The following ZBED1 variants were observed in gnomAD, a reference collection of about 807,000 sequenced individuals.
ZBED1 encodes the protein E3 SUMO-protein ligase ZBED1.
ZBED1 carries 19 observed loss-of-function variants against 49.7 expected under a neutral mutation model. The observed-to-expected ratio is 0.38, with a 90% CI of 0.27 to 0.56. The LOEUF is 0.56. Ranked by LOEUF, ZBED1 falls within the 20% of genes least tolerant of loss-of-function variation. The pLI is 0.70. For synonymous variants in ZBED1, 439 were observed against 440.3 expected (o/e 1.00, Z 0.04); for missense variants, 806 against 972.6 (o/e 0.83, Z 2.28).
chrX:2,491,841 G>A (rs1414040985), intron 1 of ZBED1, among the ~76,000 whole-genome samples: 1 of 152,198 alleles, frequency 6.6e-6, no homozygotes, highest in Non-Finnish European at 1.5e-5. Flanking sequence ...AGTCGGTGTG[G>A]AGGCTTAGAT....
chrX:2,498,793 C>T (rs1016413927), intron 1 of ZBED1, among the ~76,000 whole-genome samples: 3 of 152,070 alleles, frequency 2.0e-5, no homozygotes, highest in Non-Finnish European at 4.4e-5. Flanking sequence ...CAAAACTGCC[C>T]GGATAAACAT....
In ZBED1 at chrX:2,488,614, G is replaced by A. The variant is rs531609492; in HGVS notation, c.*21C>T. 6.4e-7 allele frequency: 1 copy of A among 1,571,428 alleles called. No homozygotes were observed. Among genetic ancestry groups the A allele is most frequent in the Non-Finnish European group, 8.6e-7 (1 of 1,160,916 alleles). On this transcript the variant is annotated 3_prime_UTR_variant, in exon 2 of 2. Transcript: ENST00000652001. The stretch of plus-strand genomic sequence containing the variant: ...CAATGGGCTGCTGCGGGGATGACTT[G>A]TAAGACAACACGCTTCCTCGCTACA...
intron 1 of ZBED1, among the ~76,000 whole-genome samples, chrX:2,493,876 G>A (rs1569348877): frequency 6.6e-6 from 1 of 152,138 alleles, no homozygotes; most frequent in Non-Finnish European, 1.5e-5. Context: ...GGAGGCTGAG[G>A]CACGAGAATC....
At chrX:2,494,350 C>A (rs1449753125) in intron 1 of ZBED1, among the ~76,000 whole-genome samples, 2 of 151,686 alleles carry the variant, frequency 1.3e-5, no homozygotes, top group Non-Finnish European at 2.9e-5. Flanking sequence ...TATTATTAGG[C>A]TGAAAGAGGT....
chrX:2,490,807 G>T, intron 1 of ZBED1, 35 bp from the exon 2 acceptor site: 4 of 1,532,150 alleles, frequency 2.6e-6, no homozygotes, highest in Non-Finnish European at 3.5e-6. Flanking sequence ...GCATGAGAAG[G>T]GACCCAGGCA....
intron 1 of ZBED1, among the ~76,000 whole-genome samples, chrX:2,499,544 G>C (rs1281148377): frequency 1.3e-5 from 2 of 152,174 alleles, no homozygotes; most frequent in African/African-American, 2.4e-5. Flanking sequence ...GCCCAGACTG[G>C]AGGATTGCTG....
intron 1 of ZBED1, among the ~76,000 whole-genome samples, chrX:2,491,717 A>C (rs5983114): frequency 0.042 from 6,394 of 152,278 alleles, 426 homozygotes; most frequent in African/African-American, 0.14. Flanking sequence ...ACGTCTGAAG[A>C]AGCATGGATT....
intron 1 of ZBED1, among the ~76,000 whole-genome samples, chrX:2,492,254 T>G (rs769309594): frequency 1.8e-4 from 27 of 152,254 alleles, no homozygotes; most frequent in African/African-American, 5.8e-4. Flanking sequence ...TCAATTGAGG[T>G]GGTCCTAAAT....
chrX:2,495,050 T>G (rs1439162797), intron 1 of ZBED1, among the ~76,000 whole-genome samples: 1 of 151,298 alleles, frequency 6.6e-6, no homozygotes, highest in African/African-American at 2.4e-5. Context: ...TCTATTGTCA[T>G]TATTATTATT....
rs1462592049 is a variant in ZBED1 at position 2,490,486 on chromosome X, G to A, written c.234C>T (p.Phe78=). ...EKNHPEEFCE[F]VKSNTEQMRE... ...GCATCTGCTCCGTGTTGCTCTTGACGAACTCGCAGAATTCCTCGGGGTGGT... is the reference window on the plus strand; with the variant it reads ...GCATCTGCTCCGTGTTGCTCTTGACAAACTCGCAGAATTCCTCGGGGTGGT... Residue 78 remains phenylalanine (F), a synonymous_variant, in exon 2 of 2, where the codon TTC becomes TTT. Transcript: ENST00000652001. 7.4e-6 allele frequency: 12 copies of A among 1,613,872 alleles called. No individual in the cohort carries two copies. The highest frequency in any genetic ancestry group is 1.7e-5 in the Admixed American group (1 of 60,006).
In ZBED1 at chrX:2,488,491, A is replaced by C; in HGVS notation, c.*144T>G. The C allele has an allele frequency of 8.7e-6, 10 of 1,156,032 alleles. No individual in the cohort carries two copies. Among genetic ancestry groups the C allele is most frequent in the Non-Finnish European group, 7.1e-6 (6 of 839,388 alleles). 71.6% of individuals were successfully genotyped at this position (1,156,032 alleles called of 1,614,324 possible). A position where few individuals can be genotyped will look rare whatever the true frequency, so the allele number is the denominator to read the frequency against. On this transcript the variant is annotated 3_prime_UTR_variant, in exon 2 of 2. Coordinates refer to ENST00000652001, the MANE Select transcript of ZBED1 (RefSeq NM_001171136.2). ...CCCCCGACCCTCTCTCACTTCTCAA[A>C]TCTCTTTCCTTTTTCCACCTTCTAG...
chrX:2,489,839 G>A lies in ZBED1; in HGVS notation c.881C>T (p.Thr294Ile). The A allele has an allele frequency of 6.2e-7, 1 of 1,613,716 alleles. No homozygotes were observed. The highest frequency in any genetic ancestry group is 1.1e-5 in the South Asian group (1 of 91,070). The change falls in exon 2 of 2, where the codon ACC becomes ATC. Residue 294 changes from threonine (T) to isoleucine (I), a missense_variant. Around this residue, in one of 2 missense-constraint regions of ZBED1, gnomAD observed 749 missense variants for 861.3 expected, o/e 0.87. Coordinates refer to ENST00000652001, the MANE Select transcript of ZBED1 (RefSeq NM_001171136.2). Reference sequence around the variant, plus strand: ...GGCCTGCTGGATGCCGGCATTGAAGGTGTGGCCCAGGCAGGGCATGTGCAC... The same window carrying A: ...GGCCTGCTGGATGCCGGCATTGAAGATGTGGCCCAGGCAGGGCATGTGCAC... The part of the protein sequence containing the change: ...VAVHMPCLGH[T>I]FNAGIQQAFQ...
intron 1 of ZBED1, among the ~76,000 whole-genome samples, chrX:2,495,694 A>C: frequency 6.6e-6 from 1 of 151,008 alleles, no homozygotes; most frequent in East Asian, 2.0e-4. Flanking sequence ...CGAGCACACA[A>C]GGCCACGAAT....
chrX:2,490,786 A>G lies in ZBED1; in HGVS notation c.-53-14T>C. On this transcript the variant is annotated splice_polypyrimidine_tract_variant and intron_variant, in intron 1 of 1. Coordinates refer to ENST00000652001, the MANE Select transcript of ZBED1 (RefSeq NM_001171136.2). ...CGTGGGGACCTGCTGAGAAGGGCCA[A>G]GACAAACACAGCATGAGAAGGGACC... 1 of 1,556,728 alleles carries G rather than the reference A, an allele frequency of 6.4e-7. No homozygotes were observed. Among genetic ancestry groups the G allele is most frequent in the Non-Finnish European group, 8.7e-7 (1 of 1,151,450 alleles).
Position 2,489,744 on chromosome X carries a change from C to A in ZBED1, c.976G>T (p.Ala326Ser), listed in dbSNP as rs767734326. The A allele has an allele frequency of 2.5e-6, 4 of 1,613,262 alleles. No individual in the cohort carries two copies. The highest frequency in any genetic ancestry group is 3.4e-6 in the Non-Finnish European group (4 of 1,179,872). Residue 326 changes from alanine (A) to serine (S), a missense_variant, in exon 2 of 2, where the codon GCC becomes TCC. Ala to Ser is a moderately conservative substitution (Grantham distance 99). Coordinates refer to ENST00000652001, the MANE Select transcript of ZBED1 (RefSeq NM_001171136.2). ...TCATAGAGCATGTACATGGCCACGG[C>A]AGACTGCTGGAAGTACTCCACCAGT... ...RKLVEYFQQSAVAMYMLYEKQ... is the reference protein window; with the variant it reads ...RKLVEYFQQSSVAMYMLYEKQ...
chrX:2,495,610 G>GT (rs34862398), intron 1 of ZBED1, among the ~76,000 whole-genome samples: 25,807 of 152,018 alleles, frequency 0.17, 2,798 homozygotes, highest in East Asian at 0.41. Context: ...CTGAACCCAC[G>GT]TAACAGCCAC....
In ZBED1 at chrX:2,489,722, T is replaced by C. The variant is rs150233925; in HGVS notation, c.998A>G (p.Tyr333Cys). 3.9e-5 allele frequency: 63 copies of C among 1,613,088 alleles called. No individual in the cohort carries two copies. The African/African-American group carries it at 6.1e-4, about 16-fold the overall frequency. ...QQSAVAMYML[Y>C]EKQKQQNVAH... Reference sequence around the variant, plus strand: ...CACGTTCTGCTGCTTCTGCTTCTCATAGAGCATGTACATGGCCACGGCAGA... The same window carrying C: ...CACGTTCTGCTGCTTCTGCTTCTCACAGAGCATGTACATGGCCACGGCAGA... The change falls in exon 2 of 2, where the codon TAT (tyrosine) becomes TGT (cysteine). Residue 333 changes from tyrosine to cysteine, a missense_variant. Tyr to Cys is a radical substitution (Grantham distance 194, BLOSUM62 -2). Coordinates refer to ENST00000652001, the MANE Select transcript of ZBED1 (RefSeq NM_001171136.2).
rs1467334631 is a variant in ZBED1 at position 2,500,823 on chromosome X, C to G, written c.-60G>C. 2 of 1,132,512 alleles carry G rather than the reference C, an allele frequency of 1.8e-6. No individual in the cohort carries two copies. The highest frequency in any genetic ancestry group is 1.7e-5 in the African/African-American group (1 of 60,148). 70.2% of individuals were successfully genotyped at this position (1,132,512 alleles called of 1,614,324 possible). A position where few individuals can be genotyped will look rare whatever the true frequency, so the allele number is the denominator to read the frequency against. On this transcript the variant is annotated 5_prime_UTR_variant, in exon 1 of 2. Transcript: ENST00000652001. ...CCTGCCCCGCCCCGCTGACCTGGCTCCAGGAAGCCCCCGCGGCAGCGCCGC... is the reference window on the plus strand; with the variant it reads ...CCTGCCCCGCCCCGCTGACCTGGCTGCAGGAAGCCCCCGCGGCAGCGCCGC...
Position 2,487,040 on chromosome X carries a change from C to T in ZBED1, c.*1595G>A, listed in dbSNP as rs1277029489. On this transcript the variant is annotated 3_prime_UTR_variant, in exon 2 of 2. Transcript: ENST00000652001. ...CTTGTCTTCACGGAGGCAGAGAACC[C>T]GCTGCACGTAGAATCCAAGCAATAT... The T allele has an allele frequency of 5.9e-5, 9 of 152,200 alleles. No individual in the cohort carries two copies. Among genetic ancestry groups the T allele is most frequent in the Non-Finnish European group, 1.3e-4 (9 of 68,060 alleles). 9.4% of individuals were successfully genotyped at this position (152,200 alleles called of 1,614,324 possible).
Sources: gnomAD v4.1 joint callset for allele counts (sites outside exome capture counted in the v4.1 genomes callset) on GRCh38, gnomAD v4.1.1 for gene constraint, gnomAD v4.1.1 regional missense constraint, MANE v1.5 for transcripts, NCBI Gene and HGNC (gene_info 2026-07-23, HGNC 2026-07-21) for gene names.